The following EIF2B3 variants were observed in gnomAD, a reference collection of about 807,000 sequenced individuals.
The protein encoded by EIF2B3 is translation initiation factor eIF2B subunit gamma.
Under a neutral mutation model 54.1 loss-of-function variants are expected in EIF2B3, and 20 were observed. The observed-to-expected ratio is 0.37, with a 90% CI of 0.26 to 0.54. The LOEUF is 0.54. EIF2B3 is among the 20% of genes least tolerant of loss of function. The pLI is 0.86. For synonymous variants in EIF2B3, 153 were observed against 188.1 expected (o/e 0.81, Z 1.52); for missense variants, 448 against 547.8 (o/e 0.82, Z 1.82).
At chr1:44,941,732 C>A in intron 3 of EIF2B3, 67 bp from the exon 4 acceptor site, 3 of 1,583,690 alleles carry the variant, frequency 1.9e-6, no homozygotes, top group Non-Finnish European at 2.6e-6. Context: ...CATCACAAGA[C>A]AAAATTAGGA....
At chr1:44,891,137 C>T (rs1238399811) in intron 6 of EIF2B3, among the ~76,000 whole-genome samples, 1 of 152,104 alleles carries the variant, frequency 6.6e-6, no homozygotes, top group Non-Finnish European at 1.5e-5. Flanking sequence ...CATTCTGTCA[C>T]CCAGGCTGCT....
At chr1:44,913,109 T>TAA (rs552977811) in intron 5 of EIF2B3, among the ~76,000 whole-genome samples, 7,918 of 103,032 alleles carry the variant, frequency 0.077, 354 homozygotes, top group East Asian at 0.22. Flanking sequence ...CGGTTTTTGT[T>TAA]AAAAAAAAAA....
intron 4 of EIF2B3, among the ~76,000 whole-genome samples, chr1:44,936,099 G>T (rs563171011): frequency 6.6e-6 from 1 of 151,734 alleles, no homozygotes; most frequent in Non-Finnish European, 1.5e-5. Context: ...GGTATCTACT[G>T]ATGAAAAAAA....
chr1:44,851,055 T>G (rs1654252348), intron 11 of EIF2B3, 52 bp from the exon 12 acceptor site: 1 of 1,592,496 alleles, frequency 6.3e-7, no homozygotes, highest in African/African-American at 1.3e-5. Context: ...AAGATGACAT[T>G]TCAAACCCAA....
chr1:44,919,715 C>CTTTT (rs777128961), intron 5 of EIF2B3, among the ~76,000 whole-genome samples: 24 of 115,856 alleles, frequency 2.1e-4, no homozygotes, highest in South Asian at 5.4e-4. Flanking sequence ...ATTGAATGTC[C>CTTTT]TTTTTTTTTT....
intron 7 of EIF2B3, among the ~76,000 whole-genome samples, chr1:44,880,630 A>T (rs1263966840): frequency 2.0e-5 from 3 of 152,116 alleles, no homozygotes; most frequent in Non-Finnish European, 2.9e-5. Flanking sequence ...ACTTTCTCAT[A>T]AAAAAACTGG....
Position 44,928,366 on chromosome 1 carries a change from G to A in EIF2B3, c.455-1627C>T, listed in dbSNP as rs563308738. ...GGAGGCTGAGGCAGGAGAATCACTT[G>A]TACCTGGGAGGCAGAGGCTGCAGTG... On this transcript the variant is annotated intron_variant, in intron 4 of 11. Transcript: ENST00000360403. 1.6e-4 allele frequency among the ~76,000 whole-genome samples: 25 copies of A among 152,016 alleles called. No individual in the cohort carries two copies. The East Asian group carries it at 4.6e-3, about 28-fold the overall frequency.
chr1:44,967,802 G>T (rs1569862465), intron 3 of EIF2B3, among the ~76,000 whole-genome samples: 1 of 150,622 alleles, frequency 6.6e-6, no homozygotes, highest in African/African-American at 2.4e-5. Flanking sequence ...CACTTTGGGA[G>T]GCCGAGGCGA....
At chr1:44,921,543 C>T (rs1159721660) in intron 5 of EIF2B3, among the ~76,000 whole-genome samples, 2 of 152,048 alleles carry the variant, frequency 1.3e-5, no homozygotes, top group African/African-American at 4.8e-5. Flanking sequence ...AGGTCTTTAA[C>T]CATTTTTATT....
intron 8 of EIF2B3, among the ~76,000 whole-genome samples, chr1:44,876,723 T>G (rs1347938497): frequency 0.01 from 1,469 of 140,270 alleles, 33 homozygotes; most frequent in African/African-American, 0.039. Context: ...GAACGGGCCA[T>G]GATGACAATG....
chr1:44,898,274 G>C (rs1317852008), intron 5 of EIF2B3, among the ~76,000 whole-genome samples: 1 of 152,132 alleles, frequency 6.6e-6, no homozygotes, highest in Non-Finnish European at 1.5e-5. Flanking sequence ...ACTGACAACA[G>C]TGAAGTTTGT....
At chr1:44,962,384 A>G (rs562219823) in intron 3 of EIF2B3, among the ~76,000 whole-genome samples, 1 of 152,306 alleles carries the variant, frequency 6.6e-6, no homozygotes, top group South Asian at 2.1e-4. Context: ...ACAGTCACTG[A>G]AATTCATCCT....
intron 8 of EIF2B3, 24 bp from the exon 9 acceptor site, chr1:44,875,719 T>G: frequency 6.2e-7 from 1 of 1,605,276 alleles, no homozygotes; most frequent in Middle Eastern, 1.7e-4. Flanking sequence ...ATTTGGTCAC[T>G]AAAGATCAGA....
chr1:44,871,874 C>CTTTTT (rs71040515), intron 10 of EIF2B3, among the ~76,000 whole-genome samples: 7 of 118,882 alleles, frequency 5.9e-5, no homozygotes, highest in Admixed American at 9.4e-5. Context: ...ACTTCACAAT[C>CTTTTT]TTTTTTTTTT....
At chr1:44,966,908 G>A (rs1569860296) in intron 3 of EIF2B3, among the ~76,000 whole-genome samples, 2 of 152,040 alleles carry the variant, frequency 1.3e-5, no homozygotes, top group Non-Finnish European at 1.5e-5. Flanking sequence ...CGCAACCTCC[G>A]TGTCCCAGGT....
intron 3 of EIF2B3, among the ~76,000 whole-genome samples, chr1:44,942,410 T>TATATACATAC (rs1644041281): frequency 4.9e-5 from 1 of 20,382 alleles, no homozygotes; most frequent in African/African-American, 2.3e-4. Context: ...TATATATATA[T>TATATACATAC]ATATATATTT....
At chr1:44,904,052 G>A (rs1297747409) in intron 5 of EIF2B3, among the ~76,000 whole-genome samples, 2 of 152,102 alleles carry the variant, frequency 1.3e-5, no homozygotes, top group African/African-American at 2.4e-5. Context: ...ACTCCAGCCT[G>A]GGAGACAGGG....
intron 4 of EIF2B3, among the ~76,000 whole-genome samples, chr1:44,933,474 G>C (rs1439643414): frequency 6.6e-6 from 1 of 152,076 alleles, no homozygotes; most frequent in African/African-American, 2.4e-5. Context: ...ATAAAAGCAC[G>C]TTATTTGGAG....
At chr1:44,938,478 TTCTCTCTCTC>T (rs141848663) in intron 4 of EIF2B3, among the ~76,000 whole-genome samples, 1 of 144,688 alleles carries the variant, frequency 6.9e-6, no homozygotes, top group Non-Finnish European at 1.5e-5. Flanking sequence ...GAGACCTAAT[TTCTCTCTCTC>T]TCTCTCTCTC....
Sources: gnomAD v4.1 joint callset for allele counts (sites outside exome capture counted in the v4.1 genomes callset) on GRCh38, gnomAD v4.1.1 for gene constraint, MANE v1.5 for transcripts, NCBI Gene and HGNC (gene_info 2026-07-23, HGNC 2026-07-21) for gene names.